The following YAP1 variants were observed in gnomAD, a reference collection of about 807,000 sequenced individuals.
YAP1 encodes transcriptional coactivator YAP1.
In YAP1, 5 loss-of-function variants were observed where a neutral mutation model predicts 56.9. That is an observed-to-expected ratio of 0.09 (90% CI 0.05 to 0.18). The LOEUF is 0.18. YAP1 is among the 10% of genes least tolerant of loss of function. The pLI, the probability that YAP1 is intolerant of heterozygous loss-of-function variation, is 1.00. For missense variants in YAP1, 539 were observed against 651.8 expected (o/e 0.83, Z 1.88); for synonymous variants, 265 against 248.1 (o/e 1.07, Z -0.64).
chr11:102,192,612 T>C (rs923804407), intron 4 of YAP1, among the ~76,000 whole-genome samples: 1 of 152,234 alleles, frequency 6.6e-6, no homozygotes, highest in Non-Finnish European at 1.5e-5. Flanking sequence ...TAACTTCTCT[T>C]GACTCATCTG....
chr11:102,178,089 A>T lies in YAP1; in HGVS notation c.689-7929A>T, dbSNP rs1215456600. Among the ~76,000 whole-genome samples the T allele has an allele frequency of 2.6e-5, 4 of 152,106 alleles. No homozygotes were observed. The East Asian group carries it at 7.7e-4, about 29-fold the overall frequency. ...TCTGTAAAGTGGGTATAATAATAGT[A>T]CCTCCATCGTAGGGTTGTTAAGTGA... On this transcript the variant is annotated intron_variant, in intron 3 of 8. Transcript: ENST00000282441.
chr11:102,205,742 T>G, intron 4 of YAP1, 151 bp from the exon 5 acceptor site: 1 of 622,028 alleles, frequency 1.6e-6, no homozygotes, highest in Non-Finnish European at 2.6e-6. Flanking sequence ...ATGTAGTCAT[T>G]GTGATATTGA....
intron 3 of YAP1, among the ~76,000 whole-genome samples, chr11:102,184,137 C>T (rs1947816865): frequency 6.6e-6 from 1 of 151,328 alleles, no homozygotes; most frequent in South Asian, 2.1e-4. Flanking sequence ...GTTGAGGCTC[C>T]CAAAGGCATT....
At chr11:102,133,081 C>T (rs1944461106) in intron 2 of YAP1, among the ~76,000 whole-genome samples, 2 of 152,114 alleles carry the variant, frequency 1.3e-5, no homozygotes, top group South Asian at 2.1e-4. Context: ...TCACTTGAAC[C>T]AGAGAGTTAG....
chr11:102,187,602 T>C (rs1020889917), intron 4 of YAP1, among the ~76,000 whole-genome samples: 13 of 152,178 alleles, frequency 8.5e-5, no homozygotes, highest in African/African-American at 2.9e-4. Flanking sequence ...TGCGGAATTT[T>C]TTTCCCTGAC....
chr11:102,200,416 A>G (rs1180112382), intron 4 of YAP1, among the ~76,000 whole-genome samples: 2 of 151,964 alleles, frequency 1.3e-5, no homozygotes, highest in African/African-American at 4.8e-5. Flanking sequence ...ATTTTTAAAA[A>G]GATTGACAAA....
chr11:102,189,526 T>A (rs950731850), intron 4 of YAP1, among the ~76,000 whole-genome samples: 5 of 152,152 alleles, frequency 3.3e-5, no homozygotes, highest in Non-Finnish European at 5.9e-5. Flanking sequence ...GCAAGAGATT[T>A]GGGGAAAAAA....
intron 4 of YAP1, among the ~76,000 whole-genome samples, chr11:102,199,315 TATG>T: frequency 6.6e-6 from 1 of 152,348 alleles, no homozygotes; most frequent in Non-Finnish European, 1.5e-5. Context: ...CTGTGTTTTT[TATG>T]ATACCTGTCA....
At chr11:102,187,636 G>A (rs976612269) in intron 4 of YAP1, among the ~76,000 whole-genome samples, 5 of 152,168 alleles carry the variant, frequency 3.3e-5, no homozygotes, top group Admixed American at 2.6e-4. Context: ...AGATGATGAC[G>A]AACGCTTTAC....
At chr11:102,179,562 G>T in intron 3 of YAP1, among the ~76,000 whole-genome samples, 1 of 152,312 alleles carries the variant, frequency 6.6e-6, no homozygotes, top group South Asian at 2.1e-4. Flanking sequence ...GAATGCCCAT[G>T]CCCGGAATGT....
intron 2 of YAP1, among the ~76,000 whole-genome samples, chr11:102,149,319 A>G (rs1945495706): frequency 6.6e-6 from 1 of 152,238 alleles, no homozygotes. Flanking sequence ...AGGAAGAGAC[A>G]TGGTTTGTAC....
intron 2 of YAP1, among the ~76,000 whole-genome samples, chr11:102,148,244 C>T (rs1945430696): frequency 6.6e-6 from 1 of 152,158 alleles, no homozygotes; most frequent in African/African-American, 2.4e-5. Flanking sequence ...GATCTCTAAG[C>T]TGCAAGTAAA....
chr11:102,185,369 C>T (rs151099733), intron 3 of YAP1, among the ~76,000 whole-genome samples: 2 of 152,254 alleles, frequency 1.3e-5, no homozygotes, highest in Non-Finnish European at 2.9e-5. Context: ...ACAACTTTAG[C>T]ACTTATCTTG....
At chr11:102,175,872 A>G (rs967106657) in intron 3 of YAP1, among the ~76,000 whole-genome samples, 4 of 152,204 alleles carry the variant, frequency 2.6e-5, no homozygotes, top group African/African-American at 9.7e-5. Context: ...TCACCATTCT[A>G]TATGTGATCC....
intron 3 of YAP1, among the ~76,000 whole-genome samples, chr11:102,183,582 G>A (rs1242759483): frequency 2.6e-5 from 4 of 152,164 alleles, no homozygotes; most frequent in East Asian, 3.9e-4. Flanking sequence ...ACCCATCGGA[G>A]AGAATATAAG....
chr11:102,148,437 A>G (rs936457817), intron 2 of YAP1, among the ~76,000 whole-genome samples: 1 of 152,192 alleles, frequency 6.6e-6, no homozygotes, highest in East Asian at 1.9e-4. Flanking sequence ...AACAAGAGCT[A>G]TGACAAAGAC....
At chr11:102,147,437 A>G (rs10750634) in intron 2 of YAP1, among the ~76,000 whole-genome samples, 88,958 of 152,024 alleles carry the variant, frequency 0.59, 26,836 homozygotes, top group South Asian at 0.76. Flanking sequence ...AGTCTTTTCT[A>G]CCTTTTGAAA....
chr11:102,149,309 A>G (rs1565459495), intron 2 of YAP1, among the ~76,000 whole-genome samples: 2 of 152,224 alleles, frequency 1.3e-5, no homozygotes, highest in African/African-American at 2.4e-5. Flanking sequence ...GGATAAGAGA[A>G]GGAAGAGACA....
At chr11:102,186,276 GT>G in intron 4 of YAP1, 145 bp downstream of exon 4, 2 of 877,654 alleles carry the variant, frequency 2.3e-6, no homozygotes, top group African/African-American at 1.8e-5. Flanking sequence ...TACCAGTAGT[GT>G]TTTTATCCTT....
Sources: allele counts gnomAD v4.1 joint callset (sites outside exome capture counted in the v4.1 genomes callset), GRCh38; gene constraint gnomAD v4.1.1; transcripts MANE v1.5; gene names NCBI Gene and HGNC (gene_info 2026-07-23, HGNC 2026-07-21).